The following CELF2 variants were observed in gnomAD, a reference collection of about 807,000 sequenced individuals.
CELF2 encodes the protein CUG triplet repeat RNA-binding protein 2.
A neutral mutation model predicts 62.6 loss-of-function variants in CELF2; 8 were observed. The observed-to-expected ratio is 0.13, with a 90% CI of 0.07 to 0.23. CELF2 has a LOEUF of 0.23. Ranked by LOEUF, CELF2 falls within the 10% of genes least tolerant of loss-of-function variation. The probability of loss-of-function intolerance (pLI) is 1.00; values close to 1 mark genes in which losing one functional copy is unlikely to be tolerated. For missense variants in CELF2, 333 were observed against 671.0 expected, an observed-to-expected ratio of 0.50 and a Z score of 5.56; for synonymous variants, 258 against 250.0, an observed-to-expected ratio of 1.03 and a Z score of -0.30.
intron 1 of CELF2, among the ~76,000 whole-genome samples, chr10:11,111,307 T>G (rs1409338816): frequency 6.6e-6 from 1 of 152,222 alleles, no homozygotes; most frequent in South Asian, 2.1e-4. Flanking sequence ...TTCACTAGGT[T>G]AGGTCATCTA....
At chr10:11,215,122 C>T (rs893737034) in intron 2 of CELF2, among the ~76,000 whole-genome samples, 2 of 152,218 alleles carry the variant, frequency 1.3e-5, no homozygotes, top group African/African-American at 4.8e-5. Context: ...AATTAAATGT[C>T]TCCTTCCTCA....
intron 1 of CELF2, among the ~76,000 whole-genome samples, chr10:11,033,205 C>T (rs1183197597): frequency 2.0e-5 from 3 of 151,376 alleles, no homozygotes; most frequent in Admixed American, 6.6e-5. Context: ...TCAATTTGTA[C>T]ATCTCATGAA....
At chr10:10,507,583 T>C in the CELF2 span, among the ~76,000 whole-genome samples, 2 of 152,088 alleles carry the variant, frequency 1.3e-5, no homozygotes, top group African/African-American at 4.8e-5. Context: ...ACCTAGAAGG[T>C]AGAAAGGGGA....
At chr10:10,924,542 G>C (rs2065263712) in intron 2 of CELF2, among the ~76,000 whole-genome samples, 1 of 152,090 alleles carries the variant, frequency 6.6e-6, no homozygotes, top group Non-Finnish European at 1.5e-5. Flanking sequence ...GAAAAGTCAG[G>C]ATGTTCTTTG....
At chr10:10,769,953 C>A in the CELF2 span, among the ~76,000 whole-genome samples, 3 of 151,818 alleles carry the variant, frequency 2.0e-5, no homozygotes, top group African/African-American at 7.3e-5. Context: ...AGTTGTCCAA[C>A]CAAAGGATGA....
chr10:10,790,806 C>T, the CELF2 span, among the ~76,000 whole-genome samples: 3 of 151,984 alleles, frequency 2.0e-5, no homozygotes, highest in Non-Finnish European at 4.4e-5. Flanking sequence ...TTGAATGATC[C>T]GTATGATTCT....
intron 9 of CELF2, among the ~76,000 whole-genome samples, chr10:11,295,825 G>T (rs1323980957): frequency 6.6e-6 from 1 of 152,158 alleles, no homozygotes; most frequent in Non-Finnish European, 1.5e-5. Context: ...TAAAGGAGGA[G>T]AGAGCATGCA....
At chr10:11,192,341 T>C (rs767624263) in intron 2 of CELF2, among the ~76,000 whole-genome samples, 6 of 152,228 alleles carry the variant, frequency 3.9e-5, no homozygotes, top group Non-Finnish European at 7.3e-5. Context: ...TTTATTCTAG[T>C]GACATTCAAG....
the CELF2 span, among the ~76,000 whole-genome samples, chr10:10,506,945 A>C: frequency 6.6e-6 from 1 of 152,034 alleles, no homozygotes; most frequent in East Asian, 1.9e-4. Context: ...GATTACGGGC[A>C]TGAGCCACTG....
intron 9 of CELF2, among the ~76,000 whole-genome samples, chr10:11,312,711 G>A (rs370283248): frequency 1.2e-4 from 19 of 152,300 alleles, no homozygotes; most frequent in African/African-American, 2.9e-4. Flanking sequence ...CGAGGCGGGC[G>A]GATCACGAGG....
intron 1 of CELF2, among the ~76,000 whole-genome samples, chr10:11,028,832 G>T (rs1313179836): frequency 6.6e-6 from 1 of 150,824 alleles, no homozygotes; most frequent in East Asian, 2.0e-4. Context: ...TGATTCTCCT[G>T]CCTCAGTCTT....
chr10:11,039,278 T>C lies in CELF2; in HGVS notation c.74+21115T>C, dbSNP rs898558080. On this transcript the variant is annotated intron_variant, in intron 1 of 12. Transcript: ENST00000633077. The surrounding 1 kb of genome is among the most constrained non-coding windows in gnomAD (Gnocchi z 4.1). ...AGGAAGAAAAGTGGAGAATGCACTT[T>C]GCTGGTGCTGAGATGAACTGGGCCA... 2.0e-5 allele frequency among the ~76,000 whole-genome samples: 3 copies of C among 152,230 alleles called. No individual in the cohort carries two copies. The highest frequency in any genetic ancestry group is 7.2e-5 in the African/African-American group (3 of 41,466).
chr10:10,676,412 A>T, the CELF2 span, among the ~76,000 whole-genome samples: 2 of 152,190 alleles, frequency 1.3e-5, no homozygotes, highest in Non-Finnish European at 2.9e-5. Context: ...GCTTTTCCTA[A>T]GGGTAGACTT....
Position 11,225,226 on chromosome 10 carries a change from A to G in CELF2, c.354+7719A>G, listed in dbSNP as rs1044870961. Among the ~76,000 whole-genome samples, 3 of 152,136 alleles carry G rather than the reference A, an allele frequency of 2.0e-5. No individual in the cohort carries two copies. The South Asian group carries it at 6.2e-4, about 32-fold the overall frequency. On this transcript the variant is annotated intron_variant, in intron 3 of 12. Coordinates refer to ENST00000633077, the MANE Select transcript of CELF2 (RefSeq NM_001326342.2). The stretch of plus-strand genomic sequence containing the variant: ...GCGTGTGGAGATCGCAGAAAGGGAC[A>G]CTGTGACAAAGGCTCTCTTTCATGG...
chr10:10,662,591 G>A, the CELF2 span, among the ~76,000 whole-genome samples: 1 of 152,176 alleles, frequency 6.6e-6, no homozygotes. Context: ...AAATTTGTGT[G>A]CCTAAGAAGT....
At chr10:11,150,812 C>T (rs182011259) in intron 1 of CELF2, among the ~76,000 whole-genome samples, 2 of 152,324 alleles carry the variant, frequency 1.3e-5, no homozygotes, top group Admixed American at 1.3e-4. Flanking sequence ...GTTATGAATT[C>T]AGGAAAATTA....
At chr10:10,514,192 C>T in the CELF2 span, among the ~76,000 whole-genome samples, 8 of 152,184 alleles carry the variant, frequency 5.3e-5, no homozygotes, top group Non-Finnish European at 1.0e-4. Context: ...ATTTCAAACA[C>T]TGTAGAATGA....
At chr10:10,937,692 A>G (rs780967220) in intron 2 of CELF2, 1 of 152,204 alleles carries the variant, frequency 6.6e-6, no homozygotes, top group African/African-American at 2.4e-5. Context: ...GCTATAATTG[A>G]CAGAGTGACA....
chr10:10,977,566 T>C (rs2051495512), intron 2 of CELF2, among the ~76,000 whole-genome samples: 1 of 152,200 alleles, frequency 6.6e-6, no homozygotes, highest in African/African-American at 2.4e-5. Context: ...AGATTAGAAA[T>C]GAGTCAATTT....
Sources: gnomAD v4.1 joint callset for allele counts (sites outside exome capture counted in the v4.1 genomes callset) on GRCh38, gnomAD v4.1.1 for gene constraint, Gnocchi (gnomAD v3.1) non-coding constraint, MANE v1.5 for transcripts, NCBI Gene and HGNC (gene_info 2026-07-23, HGNC 2026-07-21) for gene names.